Variants in RSF1 observed in about 807,000 individuals in gnomAD.
RSF1 encodes the protein HBV pX-associated protein 8.
RSF1 carries 13 observed loss-of-function variants against 145.2 expected under a neutral mutation model. The ratio of observed to expected loss-of-function variants is 0.09; its 90% CI spans 0.06 to 0.14. RSF1 has a LOEUF of 0.14. Ranked by LOEUF, RSF1 falls within the 10% of genes least tolerant of loss-of-function variation. The pLI, the probability that RSF1 is intolerant of heterozygous loss-of-function variation, is 1.00. For synonymous variants in RSF1, 577 were observed against 592.6 expected, an observed-to-expected ratio of 0.97 and a Z score of 0.38; for missense variants, 1,517 against 1,718.2, an observed-to-expected ratio of 0.88 and a Z score of 2.07.
At chr11:77,677,970 A>C in intron 12 of RSF1, 116 bp downstream of exon 12, 1 of 727,276 alleles carries the variant, frequency 1.4e-6, no homozygotes, top group South Asian at 1.6e-5. Flanking sequence ...CATCAGTACT[A>C]ATCATGATAC....
In RSF1 at chr11:77,665,391, T is replaced by C. The variant is rs1293659131; in HGVS notation, c.*1526A>G. 2 of 152,120 alleles carry C rather than the reference T, an allele frequency of 1.3e-5. No individual in the cohort carries two copies. The highest frequency in any genetic ancestry group is 4.8e-5 in the African/African-American group (2 of 41,438). 9.4% of individuals were successfully genotyped at this position (152,120 alleles called of 1,614,324 possible). A position where few individuals can be genotyped will look rare whatever the true frequency, so the allele number is the denominator to read the frequency against. ...GCTAAAGTATTCACAGAAGTAATGGTTGAAGGTTTCAGGATTTAACAGGCT... is the reference window on the plus strand; with the variant it reads ...GCTAAAGTATTCACAGAAGTAATGGCTGAAGGTTTCAGGATTTAACAGGCT... On this transcript the variant is annotated 3_prime_UTR_variant, in exon 16 of 16. Transcript: ENST00000308488.
intron 2 of RSF1, among the ~76,000 whole-genome samples, chr11:77,751,435 C>G (rs573985678): frequency 6.7e-6 from 1 of 148,974 alleles, no homozygotes; most frequent in South Asian, 2.4e-4. Flanking sequence ...AGGTCGCAGA[C>G]CTCCCCTTCC....
At chr11:77,704,186 T>C (rs894040028) in intron 5 of RSF1, among the ~76,000 whole-genome samples, 3 of 152,102 alleles carry the variant, frequency 2.0e-5, no homozygotes, top group Non-Finnish European at 4.4e-5. Context: ...TTCCAGCTAC[T>C]GGGTAGGCTG....
At chr11:77,675,688 A>G in intron 13 of RSF1, among the ~76,000 whole-genome samples, 1 of 152,156 alleles carries the variant, frequency 6.6e-6, no homozygotes, top group East Asian at 1.9e-4. Context: ...TCTAGAGTCT[A>G]CCTCTTAAAA....
rs963650559 is a variant in RSF1, at chr11:77,677,985, C to G, written c.3133+101G>C. Reference sequence around the variant, plus strand: ...CATCAGTACTAATCATGATACATAACGGGAAAGAGAATAAAAACATATGCT... The same window carrying G: ...CATCAGTACTAATCATGATACATAAGGGGAAAGAGAATAAAAACATATGCT... On this transcript the variant is annotated intron_variant, in intron 12 of 15. Transcript: ENST00000308488. The G allele has an allele frequency of 1.9e-5, 15 of 784,706 alleles. No homozygotes were observed. In the East Asian group the frequency reaches 3.7e-4, roughly 19 times the overall value. 48.6% of individuals were successfully genotyped at this position (784,706 alleles called of 1,614,324 possible).
intron 5 of RSF1, among the ~76,000 whole-genome samples, chr11:77,720,571 A>C (rs1960919708): frequency 6.6e-6 from 1 of 152,178 alleles, no homozygotes; most frequent in Admixed American, 6.5e-5. Flanking sequence ...GAGAATAACA[A>C]CTCAAAAAGT....
At chr11:77,776,198 G>T (rs1232244268) in intron 1 of RSF1, among the ~76,000 whole-genome samples, 1 of 152,218 alleles carries the variant, frequency 6.6e-6, no homozygotes, top group Middle Eastern at 3.4e-3. Context: ...GGGTGCCAAA[G>T]TGAGACCCTG....
intron 5 of RSF1, among the ~76,000 whole-genome samples, chr11:77,709,767 A>G (rs2135865016): frequency 6.6e-6 from 1 of 152,060 alleles, no homozygotes; most frequent in East Asian, 1.9e-4. Flanking sequence ...GTGCACTGGT[A>G]TGATCATACC....
At chr11:77,678,019 T>TA in intron 12 of RSF1, 67 bp downstream of exon 12, 1 of 1,068,818 alleles carries the variant, frequency 9.4e-7, no homozygotes, top group Non-Finnish European at 1.5e-6. Flanking sequence ...CTCACTGCCC[T>TA]AATTTGGGCA....
intron 5 of RSF1, among the ~76,000 whole-genome samples, chr11:77,711,657 G>A (rs1241457999): frequency 2.7e-5 from 4 of 150,388 alleles, no homozygotes; most frequent in Admixed American, 6.7e-5. Context: ...CAAGAAGAGC[G>A]AAAGTCCGTC....
the RSF1 span, among the ~76,000 whole-genome samples, chr11:77,852,239 AAAGAAG>A: frequency 7.5e-6 from 1 of 133,838 alleles, no homozygotes; most frequent in Non-Finnish European, 1.6e-5. Context: ...AAAAAAAAAA[AAAGAAG>A]AAGAAGAAGA....
the RSF1 span, among the ~76,000 whole-genome samples, chr11:77,860,062 G>C: frequency 7.2e-5 from 11 of 152,294 alleles, no homozygotes; most frequent in African/African-American, 2.6e-4. Flanking sequence ...TTCTTACTCA[G>C]GTATGCCACA....
At chr11:77,828,392 G>A in the RSF1 span, among the ~76,000 whole-genome samples, 1 of 152,094 alleles carries the variant, frequency 6.6e-6, no homozygotes, top group Non-Finnish European at 1.5e-5. Context: ...TTATAGCCGG[G>A]TGCGGTGGCT....
intron 15 of RSF1, among the ~76,000 whole-genome samples, chr11:77,670,162 T>G (rs1402750485): frequency 1.3e-5 from 2 of 152,152 alleles, no homozygotes; most frequent in African/African-American, 4.8e-5. Context: ...TGTAAGCAGG[T>G]GGGCTCTCGT....
At chr11:77,735,473 C>T (rs1194347214) in intron 4 of RSF1, among the ~76,000 whole-genome samples, 1 of 151,858 alleles carries the variant, frequency 6.6e-6, no homozygotes, top group Non-Finnish European at 1.5e-5. Context: ...CTTTAGAAAA[C>T]GGAACCCTAA....
the RSF1 span, among the ~76,000 whole-genome samples, chr11:77,865,430 A>C: frequency 1.3e-5 from 2 of 152,202 alleles, no homozygotes; most frequent in Non-Finnish European, 2.9e-5. Flanking sequence ...AACCGGTTGT[A>C]GGCATGGCAG....
chr11:77,792,568 C>T (rs1948528045), intron 1 of RSF1, among the ~76,000 whole-genome samples: 1 of 152,146 alleles, frequency 6.6e-6, no homozygotes, highest in African/African-American at 2.4e-5. Flanking sequence ...AACACTTCAC[C>T]ACAGCCTCTA....
intron 8 of RSF1, among the ~76,000 whole-genome samples, chr11:77,692,123 T>TC (rs1159133027): frequency 6.6e-6 from 1 of 151,706 alleles, no homozygotes; most frequent in African/African-American, 2.4e-5. Flanking sequence ...ATTCCTGGCC[T>TC]CAAGTGATCT....
At chr11:77,863,664 T>C in the RSF1 span, among the ~76,000 whole-genome samples, 2 of 152,030 alleles carry the variant, frequency 1.3e-5, no homozygotes, top group Non-Finnish European at 2.9e-5. Context: ...GCTGGGATTG[T>C]AGGCATAAGC....
Sources: allele counts gnomAD v4.1 joint callset (sites outside exome capture counted in the v4.1 genomes callset), GRCh38; gene constraint gnomAD v4.1.1; transcripts MANE v1.5; gene names NCBI Gene and HGNC (gene_info 2026-07-23, HGNC 2026-07-21).